Variants in RBFOX1 observed in about 807,000 individuals in gnomAD.
The protein encoded by RBFOX1 is RNA binding protein fox-1 homolog 1.
Under a neutral mutation model 57.7 loss-of-function variants are expected in RBFOX1, and 8 were observed. The ratio of observed to expected loss-of-function variants is 0.14; its 90% CI spans 0.08 to 0.25. The LOEUF is 0.25. Ranked by LOEUF, RBFOX1 falls within the 10% of genes least tolerant of loss-of-function variation. The pLI is 1.00. For synonymous variants in RBFOX1, 326 were observed against 222.4 expected (o/e 1.47, Z -4.15); for missense variants, 611 against 548.5 (o/e 1.11, Z -1.14).
chr16:6,861,661 C>T (rs145747518), intron 3 of RBFOX1, among the ~76,000 whole-genome samples: 1 of 152,098 alleles, frequency 6.6e-6, no homozygotes, highest in African/African-American at 2.4e-5. Context: ...TGGCATGCAA[C>T]CTCCTCTATT....
At chr16:6,800,189 A>C (rs1199089986) in intron 3 of RBFOX1, among the ~76,000 whole-genome samples, 1 of 152,096 alleles carries the variant, frequency 6.6e-6, no homozygotes, top group Non-Finnish European at 1.5e-5. Flanking sequence ...CAGGGTATTG[A>C]AAACAAGTCT....
chr16:6,679,743 G>A (rs2058328556), intron 3 of RBFOX1, among the ~76,000 whole-genome samples: 1 of 152,100 alleles, frequency 6.6e-6, no homozygotes, highest in African/African-American at 2.4e-5. Flanking sequence ...AATGGATGAG[G>A]ATGTGGTATT....
At chr16:6,649,384 A>C (rs2098558182) in intron 2 of RBFOX1, among the ~76,000 whole-genome samples, 1 of 152,108 alleles carries the variant, frequency 6.6e-6, no homozygotes, top group Non-Finnish European at 1.5e-5. Flanking sequence ...TTATTTCAGT[A>C]GGTTTCTGGG....
At position 7,053,541 on chromosome 16, in the gene RBFOX1, C is replaced by G. The variant is rs114712642; in HGVS notation, c.27+1443C>G. ...TATGTGCCTTTGTCTCCAGGAGTCC[C>G]TGATAAATGCCTGAGAATTAAGATA... On this transcript the variant is annotated intron_variant, in intron 4 of 15. Transcript: ENST00000550418. Among the ~76,000 whole-genome samples, 435 of 152,280 alleles carry G rather than the reference C, an allele frequency of 2.9e-3. 1 individual carries two copies. Among genetic ancestry groups the G allele is most frequent in the Middle Eastern group, 0.01 (3 of 294 alleles).
At chr16:6,836,370 A>G (rs184880891) in intron 3 of RBFOX1, among the ~76,000 whole-genome samples, 1 of 152,342 alleles carries the variant, frequency 6.6e-6, no homozygotes, top group African/African-American at 2.4e-5. Flanking sequence ...ACACACAGCA[A>G]CAGAAGCAAC....
chr16:6,908,530 G>T (rs2070696815), intron 3 of RBFOX1, among the ~76,000 whole-genome samples: 1 of 152,108 alleles, frequency 6.6e-6, no homozygotes, highest in Admixed American at 6.5e-5. Flanking sequence ...CACTTATCAG[G>T]TTCACCTCCC....
At chr16:5,791,856 G>T (rs2054710437) in intron 3 of RBFOX1, among the ~76,000 whole-genome samples, 2 of 152,184 alleles carry the variant, frequency 1.3e-5, no homozygotes, top group Non-Finnish European at 2.9e-5. Context: ...TAAAGAGGTG[G>T]AGAAAATGGC....
At chr16:7,407,373 G>GGTGTGTGTGTGT (rs77358035) in intron 4 of RBFOX1, among the ~76,000 whole-genome samples, 3 of 149,556 alleles carry the variant, frequency 2.0e-5, no homozygotes, top group African/African-American at 7.4e-5. Context: ...GATTTGTATG[G>GGTGTGTGTGTGT]GTGTGTGTGT....
At chr16:7,599,571 G>A (rs191375980) in intron 9 of RBFOX1, among the ~76,000 whole-genome samples, 1 of 150,884 alleles carries the variant, frequency 6.6e-6, no homozygotes, top group East Asian at 2.0e-4. Context: ...CCTATAAAGA[G>A]GACATCATTA....
intron 2 of RBFOX1, among the ~76,000 whole-genome samples, chr16:6,537,888 G>A (rs1352462101): frequency 6.6e-6 from 1 of 151,618 alleles, no homozygotes; most frequent in South Asian, 2.1e-4. Flanking sequence ...ATTATCTGTA[G>A]TAATTATAGC....
intron 3 of RBFOX1, among the ~76,000 whole-genome samples, chr16:6,925,085 C>A (rs558025569): frequency 1.8e-5 from 2 of 109,056 alleles, no homozygotes; most frequent in South Asian, 3.4e-4. Context: ...TCCAGTCTAT[C>A]GTTGTTGGAC....
chr16:6,809,706 C>T (rs964059960), intron 3 of RBFOX1, among the ~76,000 whole-genome samples: 1 of 152,140 alleles, frequency 6.6e-6, no homozygotes, highest in Non-Finnish European at 1.5e-5. Flanking sequence ...AGGAGTTTTT[C>T]ATTGTCTCTG....
intron 1 of RBFOX1, among the ~76,000 whole-genome samples, chr16:5,307,869 G>T (rs148091981): frequency 9.2e-5 from 14 of 152,160 alleles, no homozygotes; most frequent in African/African-American, 3.4e-4. Context: ...GTAAACATGA[G>T]ATCTCACCAT....
intron 2 of RBFOX1, among the ~76,000 whole-genome samples, chr16:6,466,749 A>G (rs1275975454): frequency 3.3e-5 from 5 of 152,180 alleles, no homozygotes; most frequent in Admixed American, 2.0e-4. Flanking sequence ...TAGTTCGAAT[A>G]ATAGCATGCT....
intron 4 of RBFOX1, among the ~76,000 whole-genome samples, chr16:7,347,766 T>C (rs2097044733): frequency 6.6e-6 from 1 of 152,186 alleles, no homozygotes; most frequent in Non-Finnish European, 1.5e-5. Context: ...CAGTGAACTA[T>C]GCCCGAGACC....
intron 4 of RBFOX1, among the ~76,000 whole-genome samples, chr16:7,286,754 G>A (rs534332952): frequency 4.0e-5 from 6 of 151,322 alleles, no homozygotes; most frequent in African/African-American, 1.5e-4. Context: ...CTCCCGAGTA[G>A]CTGGGACTAC....
intron 3 of RBFOX1, among the ~76,000 whole-genome samples, chr16:5,798,115 C>T (rs1207582892): frequency 6.6e-6 from 1 of 152,118 alleles, no homozygotes; most frequent in Non-Finnish European, 1.5e-5. Context: ...ATTTCCATTT[C>T]CTCATTTGAA....
chr16:6,880,102 C>G (rs951730610), intron 3 of RBFOX1, among the ~76,000 whole-genome samples: 4 of 152,164 alleles, frequency 2.6e-5, no homozygotes, highest in African/African-American at 9.7e-5. Context: ...TGAGAGTCCC[C>G]TGACCTTTCG....
intron 13 of RBFOX1, among the ~76,000 whole-genome samples, chr16:7,672,653 C>T (rs1055640311): frequency 6.6e-6 from 1 of 151,612 alleles, no homozygotes; most frequent in Non-Finnish European, 1.5e-5. Context: ...TGCTTGAGGC[C>T]AGGGGTTCAA....
Sources: gnomAD v4.1 joint callset for allele counts (sites outside exome capture counted in the v4.1 genomes callset) on GRCh38, gnomAD v4.1.1 for gene constraint, MANE v1.5 for transcripts, NCBI Gene and HGNC (gene_info 2026-07-23, HGNC 2026-07-21) for gene names.